CALCRL: variants seen among roughly 807,000 people sequenced by gnomAD.
CALCRL encodes the protein calcitonin gene-related peptide type 1 receptor.
In CALCRL, 27 loss-of-function variants were observed where a neutral mutation model predicts 60.4. The ratio of observed to expected loss-of-function variants is 0.45; its 90% confidence interval spans 0.33 to 0.62. CALCRL has a LOEUF of 0.62. Among genes scored for constraint, CALCRL ranks in the 20% least tolerant of loss-of-function variants. The probability of loss-of-function intolerance (pLI) is 0.03; values close to 1 mark genes in which losing one functional copy is unlikely to be tolerated. For synonymous variants in CALCRL, 190 were observed against 182.6 expected (o/e 1.04, Z -0.33); for missense variants, 424 against 540.7 (o/e 0.78, Z 2.14).
chr2:187,437,280 C>T (rs980828588), intron 1 of CALCRL, among the ~76,000 whole-genome samples: 4 of 152,026 alleles, frequency 2.6e-5, no homozygotes, highest in South Asian at 2.1e-4. Flanking sequence ...CTGTGGCTCA[C>T]GCCTGTAATC....
chr2:187,405,532 G>C (rs180960888), intron 1 of CALCRL, among the ~76,000 whole-genome samples: 1 of 151,902 alleles, frequency 6.6e-6, no homozygotes, highest in Non-Finnish European at 1.5e-5. Flanking sequence ...TCATCATCCC[G>C]AGGACAGTAT....
rs190552817 is a variant in CALCRL, at chr2:187,427,277, T to A, written c.-293+20762A>T. On this transcript the variant is annotated intron_variant, in intron 1 of 14. Transcript: ENST00000392370. ...GGAAATTGATTTCTGTAAAAGAAGC[T>A]GTTTCTGCCTATGTGGTAAGGGTAT... 2.0e-3 allele frequency among the ~76,000 whole-genome samples: 299 copies of A among 152,318 alleles called. 3 individuals are homozygous for A. The highest frequency in any genetic ancestry group is 7.1e-3 in the African/African-American group (296 of 41,576).
intron 1 of CALCRL, among the ~76,000 whole-genome samples, chr2:187,420,013 C>T (rs1689800413): frequency 6.6e-6 from 1 of 152,124 alleles, no homozygotes; most frequent in African/African-American, 2.4e-5. Flanking sequence ...CCCCTAGTTG[C>T]TATTGTCACA....
intron 1 of CALCRL, among the ~76,000 whole-genome samples, chr2:187,436,155 TACTG>T (rs1690635970): frequency 6.6e-6 from 1 of 152,304 alleles, no homozygotes; most frequent in East Asian, 1.9e-4. Context: ...GCGTCCTACT[TACTG>T]ACTTATTTTG....
rs200901712 is a variant in CALCRL, at chr2:187,383,346, G to A, written c.52-41C>T. 9.6e-5 allele frequency: 148 copies of A among 1,536,578 alleles called. No homozygotes were observed. The African/African-American group carries it at 1.7e-3, about 17-fold the overall frequency. On this transcript the variant is annotated intron_variant, in intron 4 of 14. Coordinates refer to ENST00000392370, the MANE Select transcript of CALCRL (RefSeq NM_005795.6). ...AACAACAACATCAACTTCATGAAAA[G>A]GATTATGAAAATGTGTTTGTCAAAG...
intron 1 of CALCRL, among the ~76,000 whole-genome samples, chr2:187,393,732 C>G (rs1309599540): frequency 4.6e-5 from 7 of 152,044 alleles, no homozygotes; most frequent in African/African-American, 1.7e-4. Flanking sequence ...CTAACCCTTT[C>G]AAGCCTATTA....
chr2:187,382,834 T>TAA (rs778143737), intron 5 of CALCRL, among the ~76,000 whole-genome samples: 10 of 147,882 alleles, frequency 6.8e-5, no homozygotes, highest in African/African-American at 2.5e-4. Context: ...AGCAGGTTGT[T>TAA]AAAAAAAAAA....
At position 187,351,915 on chromosome 2, in the gene CALCRL, C is replaced by A. The variant is rs544534568; in HGVS notation, c.1170+5G>T. 2.2e-5 allele frequency: 34 copies of A among 1,540,868 alleles called. No homozygotes were observed. In the Middle Eastern group the frequency reaches 8.6e-4, roughly 39 times the overall value. ...TAATAGAAGGAATAAAATCAATTAT[C>A]ATACCTCTCCATTAAAGAAGCAGAA... On this transcript the variant is annotated splice_donor_5th_base_variant and intron_variant, in intron 14 of 14. Transcript: ENST00000392370.
At chr2:187,446,370 C>T (rs1396333804) in intron 1 of CALCRL, among the ~76,000 whole-genome samples, 2 of 151,532 alleles carry the variant, frequency 1.3e-5, no homozygotes, top group African/African-American at 2.4e-5. Flanking sequence ...CAATGTTCAT[C>T]GCCTAGTGTT....
At chr2:187,389,451 T>G (rs551846377) in intron 1 of CALCRL, among the ~76,000 whole-genome samples, 1 of 152,280 alleles carries the variant, frequency 6.6e-6, no homozygotes, top group Non-Finnish European at 1.5e-5. Flanking sequence ...TGTGGCAAAC[T>G]CAACCATTTT....
At chr2:187,412,087 C>T (rs1172830365) in intron 1 of CALCRL, among the ~76,000 whole-genome samples, 3 of 151,434 alleles carry the variant, frequency 2.0e-5, no homozygotes, top group African/African-American at 7.3e-5. Flanking sequence ...GAACAGGGAT[C>T]TGGGACAGTA....
chr2:187,363,499 G>C lies in CALCRL; in HGVS notation c.504C>G (p.Ser168Arg). Residue 168 changes from serine to arginine, a missense_variant, in exon 9 of 15, where the codon AGC becomes AGG. Around this residue, in one of 7 missense-constraint regions of CALCRL, gnomAD observed 43 missense variants for 46.6 expected, o/e 0.92. Coordinates refer to ENST00000392370, the MANE Select transcript of CALCRL (RefSeq NM_005795.6). ...ISLGIFFYFKSLSCQRITLHK... is the reference protein window; with the variant it reads ...ISLGIFFYFKRLSCQRITLHK... ...GTAAGGTAATCCTTTGGCAACTTAG[G>C]CTCCTAAAAAGCAAGAAAAACAAGT... 6.3e-7 allele frequency: 1 copy of C among 1,590,418 alleles called. No homozygotes were observed. The highest frequency in any genetic ancestry group is 2.3e-5 in the East Asian group (1 of 43,622).
At chr2:187,386,704 C>CATT (rs57564999) in intron 3 of CALCRL, among the ~76,000 whole-genome samples, 1 of 22,304 alleles carries the variant, frequency 4.5e-5, no homozygotes, top group African/African-American at 1.9e-4. Context: ...GTAGCCATAA[C>CATT]TAAATGATAT....
At chr2:187,399,669 T>TA (rs1003381031) in intron 1 of CALCRL, among the ~76,000 whole-genome samples, 2 of 150,994 alleles carry the variant, frequency 1.3e-5, no homozygotes, top group African/African-American at 4.9e-5. Flanking sequence ...ACAACCCAAT[T>TA]AAAAAATGGG....
chr2:187,380,483 G>A lies in CALCRL; in HGVS notation c.392C>T (p.Thr131Ile). 6.3e-7 allele frequency: 1 copy of A among 1,596,368 alleles called. No individual in the cohort carries two copies. The highest frequency in any genetic ancestry group is 1.3e-5 in the African/African-American group (1 of 74,608). Residue 131 changes from threonine (T) to isoleucine (I), a missense_variant, in exon 7 of 15, where the codon ACC becomes ATC. Transcript: ENST00000392370. ...ATGACATACCTTCACTTTCTCGTGGGTGTTAACATTACACTGGGTATAATT... is the reference window on the plus strand; with the variant it reads ...ATGACATACCTTCACTTTCTCGTGGATGTTAACATTACACTGGGTATAATT... The part of the protein sequence containing the change: ...WTNYTQCNVN[T>I]HEKVKTALNL...
At chr2:187,402,624 A>G (rs1688938500) in intron 1 of CALCRL, among the ~76,000 whole-genome samples, 1 of 151,706 alleles carries the variant, frequency 6.6e-6, no homozygotes, top group South Asian at 2.1e-4. Context: ...TCTAGGATAG[A>G]TATTTTCATT....
intron 3 of CALCRL, among the ~76,000 whole-genome samples, chr2:187,385,983 G>T (rs1000358547): frequency 3.3e-5 from 5 of 152,014 alleles, no homozygotes; most frequent in African/African-American, 1.2e-4. Flanking sequence ...GAGCCACCCT[G>T]CCCAGCAGAT....
At chr2:187,361,117 AC>A (rs149536033) in intron 9 of CALCRL, among the ~76,000 whole-genome samples, 12,589 of 152,052 alleles carry the variant, frequency 0.083, 648 homozygotes, top group South Asian at 0.17. Flanking sequence ...CTTGACTGTT[AC>A]ATTCTGTTGG....
At chr2:187,426,655 C>T (rs75751029) in intron 1 of CALCRL, among the ~76,000 whole-genome samples, 4,636 of 151,998 alleles carry the variant, frequency 0.031, 107 homozygotes, top group Non-Finnish European at 0.049. Context: ...GTAATACTTT[C>T]AAAAAGTAAT....
Sources: gnomAD v4.1 joint callset for allele counts (sites outside exome capture counted in the v4.1 genomes callset) on GRCh38, gnomAD v4.1.1 for gene constraint, gnomAD v4.1.1 regional missense constraint, MANE v1.5 for transcripts, NCBI Gene and HGNC (gene_info 2026-07-23, HGNC 2026-07-21) for gene names.